SKA1: variants seen among roughly 807,000 people sequenced by gnomAD.
SKA1 encodes SKA complex subunit 1.
SKA1 carries 20 observed loss-of-function variants against 31.8 expected under a neutral mutation model. The ratio of observed to expected loss-of-function variants is 0.63; its 90% CI spans 0.44 to 0.91. SKA1 has a LOEUF of 0.91. SKA1 is among the 40% of genes least tolerant of loss of function. The probability of loss-of-function intolerance (pLI) is 0.00; values close to 1 mark genes in which losing one functional copy is unlikely to be tolerated. For missense variants in SKA1, 253 were observed against 298.2 expected (o/e 0.85, Z 1.12); for synonymous variants, 88 against 100.5 (o/e 0.88, Z 0.74).
chr18:50,377,997 CCTCAG>C (rs1361064144), intron 2 of SKA1, among the ~76,000 whole-genome samples: 2 of 152,152 alleles, frequency 1.3e-5, no homozygotes, highest in Non-Finnish European at 2.9e-5. Context: ...GGCCCAGGTC[CCTCAG>C]CTCATGAGTA....
At chr18:50,387,327 C>T (rs1439901247) in intron 5 of SKA1, among the ~76,000 whole-genome samples, 2 of 152,246 alleles carry the variant, frequency 1.3e-5, no homozygotes, top group South Asian at 2.1e-4. Flanking sequence ...GAAGGAAGCA[C>T]TGAGCATCTT....
intron 4 of SKA1, among the ~76,000 whole-genome samples, chr18:50,382,886 T>C (rs1432777729): frequency 6.6e-6 from 1 of 151,990 alleles, no homozygotes; most frequent in African/African-American, 2.4e-5. Flanking sequence ...TACAAAAAAT[T>C]AGCCAGACAC....
chr18:50,375,786 C>A, intron 1 of SKA1, 34 bp from the exon 2 acceptor site: 2 of 1,353,560 alleles, frequency 1.5e-6, no homozygotes, highest in Non-Finnish European at 2.0e-6. Flanking sequence ...TGTGGCTTTT[C>A]TTGTTACGAA....
intron 3 of SKA1, 105 bp downstream of exon 3, chr18:50,380,355 TA>T (rs1470635582): frequency 8.2e-7 from 1 of 1,215,784 alleles, no homozygotes; most frequent in Non-Finnish European, 1.1e-6. Context: ...TTTTTGTTTA[TA>T]AATTATTAAT....
intron 2 of SKA1, among the ~76,000 whole-genome samples, chr18:50,379,319 C>T (rs1162170959): frequency 6.6e-6 from 1 of 152,052 alleles, no homozygotes; most frequent in African/African-American, 2.4e-5. Flanking sequence ...TTTGTTTTTG[C>T]CAGGTACCCA....
At chr18:50,382,828 T>C (rs960807270) in intron 4 of SKA1, among the ~76,000 whole-genome samples, 2 of 151,634 alleles carry the variant, frequency 1.3e-5, no homozygotes, top group African/African-American at 4.9e-5. Context: ...AGCCCAGGAG[T>C]TTGAGACTAG....
chr18:50,382,385 T>A (rs1190527833), intron 4 of SKA1, among the ~76,000 whole-genome samples, 159 bp downstream of exon 4: 2 of 152,194 alleles, frequency 1.3e-5, no homozygotes, highest in East Asian at 3.8e-4. Flanking sequence ...TTCACCAGTT[T>A]TCTTATCTTG....
chr18:50,375,463 G>A (rs2041206691), intron 1 of SKA1, among the ~76,000 whole-genome samples: 1 of 152,194 alleles, frequency 6.6e-6, no homozygotes, highest in South Asian at 2.1e-4. Context: ...TTCTTTGACA[G>A]TGTAACACAT....
chr18:50,379,012 T>C (rs2041243535), intron 2 of SKA1, among the ~76,000 whole-genome samples: 4 of 152,212 alleles, frequency 2.6e-5, no homozygotes, highest in African/African-American at 9.6e-5. Context: ...AGGTACTTGG[T>C]GTCTCTGACT....
At chr18:50,383,347 A>G (rs976257725) in intron 4 of SKA1, among the ~76,000 whole-genome samples, 9 of 152,158 alleles carry the variant, frequency 5.9e-5, no homozygotes, top group Admixed American at 5.9e-4. Context: ...CACTTCTCTG[A>G]CTTGGCTGCC....
At chr18:50,381,720 G>A (rs944987433) in intron 3 of SKA1, among the ~76,000 whole-genome samples, 637 of 45,684 alleles carry the variant, frequency 0.014, 3 homozygotes, top group South Asian at 0.041. Context: ...TCCAGTCAAT[G>A]TGGTTTTTTT....
Position 50,391,112 on chromosome 18 carries a change from A to G in SKA1, c.450-12A>G. On this transcript the variant is annotated splice_polypyrimidine_tract_variant and intron_variant, in intron 5 of 6. Transcript: ENST00000285116. ...TCTTTAAAACAATAATTAGCCATAT[A>G]CTTTTTTACAGGTACATGAAATCCC... is the stretch of plus-strand genomic sequence containing the variant. 6.8e-7 allele frequency: 1 copy of G among 1,473,586 alleles called. No homozygotes were observed. The highest frequency in any genetic ancestry group is 9.1e-7 in the Non-Finnish European group (1 of 1,097,878). The allele number at this position is 1,473,586 out of a possible 1,614,324, so 91.3% of individuals were successfully genotyped here.
chr18:50,384,254 T>C (rs563307717), intron 4 of SKA1, among the ~76,000 whole-genome samples: 1 of 152,336 alleles, frequency 6.6e-6, no homozygotes, highest in South Asian at 2.1e-4. Context: ...ATAACAGGTA[T>C]AAGAAATATT....
Position 50,392,479 on chromosome 18 carries a change from C to T in SKA1, c.*232C>T, listed in dbSNP as rs2041366369. 1 of 271,580 alleles carries T rather than the reference C, an allele frequency of 3.7e-6. No individual in the cohort carries two copies. The highest frequency in any genetic ancestry group is 5.2e-5 in the Admixed American group (1 of 19,102). The allele number at this position is 271,580 out of a possible 1,614,324, so 16.8% of individuals were successfully genotyped here. On this transcript the variant is annotated 3_prime_UTR_variant, in exon 7 of 7. Transcript: ENST00000285116. Reference sequence around the variant, plus strand: ...AACCTCCCAGGCTCAAGTGATCCTCCCACCTCAGCCCCCTGAATGGCTGGG... The same window carrying T: ...AACCTCCCAGGCTCAAGTGATCCTCTCACCTCAGCCCCCTGAATGGCTGGG...
intron 5 of SKA1, among the ~76,000 whole-genome samples, chr18:50,387,877 G>C (rs963337651): frequency 1.3e-5 from 2 of 152,194 alleles, no homozygotes; most frequent in African/African-American, 4.8e-5. Flanking sequence ...TGATGCTTGT[G>C]ATGCTCTCAG....
chr18:50,391,935 C>G (rs2041360351), intron 6 of SKA1, among the ~76,000 whole-genome samples, 164 bp from the exon 7 acceptor site: 1 of 152,196 alleles, frequency 6.6e-6, no homozygotes, highest in Non-Finnish European at 1.5e-5. Context: ...CATGCAACTT[C>G]TGTTGATAGA....
intron 5 of SKA1, among the ~76,000 whole-genome samples, chr18:50,386,750 C>G (rs897470489): frequency 2.0e-5 from 3 of 152,148 alleles, no homozygotes; most frequent in African/African-American, 7.2e-5. Flanking sequence ...CCCACTGAAC[C>G]CCAGAATGTT....
chr18:50,378,047 C>T (rs549440381), intron 2 of SKA1, among the ~76,000 whole-genome samples: 2 of 152,162 alleles, frequency 1.3e-5, no homozygotes, highest in Non-Finnish European at 2.9e-5. Flanking sequence ...TCTTGATTCC[C>T]ATGTTAGTAC....
rs370642365 is a variant in SKA1, at chr18:50,385,354, G to T, written c.449+1G>T. 2 of 1,597,090 alleles carry T rather than the reference G, an allele frequency of 1.3e-6. No homozygotes were observed. The highest frequency in any genetic ancestry group is 1.7e-6 in the Non-Finnish European group (2 of 1,172,378). Reference sequence around the variant, plus strand: ...GTGATGAGTTCAATGGTGTTCCTTCGTAAGTATTTAAGATAAATAATGTTC... The same window carrying T: ...GTGATGAGTTCAATGGTGTTCCTTCTTAAGTATTTAAGATAAATAATGTTC... On this transcript the variant is annotated splice_donor_variant, in intron 5 of 6. Coordinates refer to ENST00000285116, the MANE Select transcript of SKA1 (RefSeq NM_145060.4). LOFTEE classifies it high-confidence loss of function.
Sources: allele counts gnomAD v4.1 joint callset (sites outside exome capture counted in the v4.1 genomes callset), GRCh38; gene constraint gnomAD v4.1.1; transcripts MANE v1.5; gene names NCBI Gene and HGNC (gene_info 2026-07-23, HGNC 2026-07-21).